Variants in ALG9 observed in about 807,000 individuals in gnomAD.
ALG9 encodes the protein alpha-1,2-mannosyltransferase ALG9.
Under a neutral mutation model 81.8 loss-of-function variants are expected in ALG9, and 55 were observed. That is an observed-to-expected ratio of 0.67 (90% CI 0.54 to 0.84). The LOEUF (loss-of-function observed/expected upper bound fraction) is 0.84, where lower values mean the gene tolerates loss of function less well. Ranked by LOEUF, ALG9 falls within the 40% of genes least tolerant of loss-of-function variation. ALG9 has a pLI of 0.00. For missense variants in ALG9, 629 were observed against 745.0 expected, an observed-to-expected ratio of 0.84 and a Z score of 1.81; for synonymous variants, 278 against 274.3, an observed-to-expected ratio of 1.01 and a Z score of -0.13.
At chr11:111,854,570 C>T (rs2137065988) in intron 6 of ALG9, among the ~76,000 whole-genome samples, 1 of 152,142 alleles carries the variant, frequency 6.6e-6, no homozygotes. Flanking sequence ...CACGCCTGGC[C>T]CCATCTTTGA....
rs369899816 is a variant in ALG9, at chr11:111,853,693, T to C, written c.745A>G (p.Lys249Glu). The C allele has an allele frequency of 3.1e-6, 5 of 1,614,038 alleles. No homozygotes were observed. Among genetic ancestry groups the C allele is most frequent in the Non-Finnish European group, 4.2e-6 (5 of 1,180,022 alleles). The change falls in exon 7 of 15, where the codon AAG becomes GAG. Residue 249 changes from lysine (K) to glutamate (E), a missense_variant. Physicochemically the swap from Lys to Glu is moderately conservative, Grantham distance 56. Coordinates refer to ENST00000616540, the MANE Select transcript of ALG9 (RefSeq NM_024740.2). ...ATCAGCGACCAATGAAAGAAACTCT[T>C]CCACCTGTGTTTCATGACCAGCAAA... ...FDLLVMKHRW[K>E]SFFHWSLMAL...
rs782478619 is a variant in ALG9 at position 111,809,684 on chromosome 11, T to A, written c.1692A>T (p.Glu564Asp). 6.2e-7 allele frequency: 1 copy of A among 1,614,120 alleles called. No individual in the cohort carries two copies. Among genetic ancestry groups the A allele is most frequent in the Non-Finnish European group, 8.5e-7 (1 of 1,179,994 alleles). The change falls in exon 14 of 15, where the codon GAA (glutamate) becomes GAT (aspartate). Residue 564 changes from glutamate (E) to aspartate (D), a missense_variant. By Grantham distance (45) the Glu-to-Asp change is conservative. This residue lies in a region of ALG9 where 264 missense variants were observed against 302.2 expected (regional missense o/e 0.87). Transcript: ENST00000616540. ...REPKYSSNKEEWISLAYRPFL... is the reference protein window; with the variant it reads ...REPKYSSNKEDWISLAYRPFL... ...ATGGTCTATAGGCCAAGCTGATCCATTCTTCTTTATTGGATGAATATTTTG... is the reference window on the plus strand; with the variant it reads ...ATGGTCTATAGGCCAAGCTGATCCAATCTTCTTTATTGGATGAATATTTTG...
At chr11:111,821,042 G>A (rs1299669715) in intron 13 of ALG9, among the ~76,000 whole-genome samples, 1 of 152,138 alleles carries the variant, frequency 6.6e-6, no homozygotes, top group African/African-American at 2.4e-5. Context: ...ACTGCAGTGA[G>A]CTATGATTGC....
the ALG9 span, chr11:111,768,526 G>A: frequency 6.6e-6 from 1 of 152,150 alleles, no homozygotes; most frequent in African/African-American, 2.4e-5. Flanking sequence ...TTGGGAGGCT[G>A]AGGTGGGAGG....
At chr11:111,854,322 G>A (rs574523545) in intron 6 of ALG9, among the ~76,000 whole-genome samples, 9 of 146,000 alleles carry the variant, frequency 6.2e-5, no homozygotes, top group African/African-American at 1.8e-4. Flanking sequence ...CAGGCTGGGT[G>A]CAGTGGTGTG....
In ALG9 at chr11:111,868,682, A is replaced by G. The variant is rs1963289067; in HGVS notation, c.325T>C (p.Tyr109His). The G allele has an allele frequency of 5.6e-6, 9 of 1,613,876 alleles. No individual in the cohort carries two copies. Among genetic ancestry groups the G allele is most frequent in the Non-Finnish European group, 7.6e-6 (9 of 1,179,788 alleles). Residue 109 changes from tyrosine (Y) to histidine (H), a missense_variant, in exon 3 of 15, where the codon TAT becomes CAT. By Grantham distance (83) the Tyr-to-His change is moderately conservative (BLOSUM62 2). Coordinates refer to ENST00000616540, the MANE Select transcript of ALG9 (RefSeq NM_024740.2). ...GFQTWEYSPA[Y>H]AIRSYAYLLL... ...AGGTAAGCATAGGAGCGAATGGCAT[A>G]TGCTGGGGAATATTCCCAAGTCTGA...
intron 14 of ALG9, among the ~76,000 whole-genome samples, chr11:111,807,044 C>CCCT (rs1950030118): frequency 6.6e-6 from 1 of 152,096 alleles, no homozygotes; most frequent in African/African-American, 2.4e-5. Flanking sequence ...ATCTGAAGAA[C>CCCT]CCTCATCTCT....
At chr11:111,821,189 T>C (rs1952303549) in intron 13 of ALG9, among the ~76,000 whole-genome samples, 1 of 152,184 alleles carries the variant, frequency 6.6e-6, no homozygotes. Flanking sequence ...TCCTATAAGG[T>C]CCTACTTTCA....
chr11:111,865,040 G>C, intron 4 of ALG9, 141 bp downstream of exon 4: 2 of 554,540 alleles, frequency 3.6e-6, no homozygotes, highest in South Asian at 5.1e-5. Context: ...GCCTCCCAAA[G>C]TGCTGGGATT....
intron 6 of ALG9, among the ~76,000 whole-genome samples, chr11:111,856,714 A>AAATAATTTC (rs1958751387): frequency 6.6e-6 from 1 of 151,758 alleles, no homozygotes. Flanking sequence ...TACCTGTGGT[A>AAATAATTTC]CAGGTAAGAA....
At chr11:111,838,667 A>T (rs910289548) in intron 10 of ALG9, among the ~76,000 whole-genome samples, 12 of 152,020 alleles carry the variant, frequency 7.9e-5, no homozygotes, top group Admixed American at 1.3e-4. Context: ...CTAATAAGTT[A>T]TTTTTTTTAA....
intron 2 of ALG9, among the ~76,000 whole-genome samples, chr11:111,869,098 G>T (rs1963446616): frequency 6.6e-6 from 1 of 152,100 alleles, no homozygotes; most frequent in South Asian, 2.1e-4. Context: ...CTCCAGCCTG[G>T]GCGATCTGCA....
chr11:111,778,832 G>A (rs1369928875), downstream of ALG9, among the ~76,000 whole-genome samples: 1 of 109,158 alleles, frequency 9.2e-6, no homozygotes, highest in East Asian at 2.5e-4. Flanking sequence ...TTTTTTTTTT[G>A]AGACAGAGTT....
At chr11:111,830,921 G>A (rs901552341) in intron 13 of ALG9, among the ~76,000 whole-genome samples, 7 of 152,030 alleles carry the variant, frequency 4.6e-5, no homozygotes, top group Non-Finnish European at 8.8e-5. Flanking sequence ...CTGTAATCCC[G>A]CCACTTTGGG....
chr11:111,863,314 T>A (rs1191712876), intron 4 of ALG9, among the ~76,000 whole-genome samples: 1 of 152,066 alleles, frequency 6.6e-6, no homozygotes, highest in African/African-American at 2.4e-5. Flanking sequence ...GCCGAAATCA[T>A]GCCACTGCAC....
intron 14 of ALG9, among the ~76,000 whole-genome samples, chr11:111,802,303 G>A (rs755250285): frequency 1.3e-5 from 2 of 152,198 alleles, no homozygotes; most frequent in Non-Finnish European, 2.9e-5. Context: ...ATAAATGATT[G>A]AAATGTCCAT....
At position 111,827,605 on chromosome 11, in the gene ALG9, G is replaced by A. The variant is rs191513760; in HGVS notation, c.1602+8560C>T. Among the ~76,000 whole-genome samples the A allele has an allele frequency of 4.1e-3, 631 of 152,272 alleles. 3 individuals carry two copies. The highest frequency in any genetic ancestry group is 0.013 in the African/African-American group (526 of 41,550). ...AAGATGCCCAGGCACAGTGGCTCAC[G>A]CCTATAATCCCAGCACTTTGGGAGG... On this transcript the variant is annotated intron_variant, in intron 13 of 14. Coordinates refer to ENST00000616540, the MANE Select transcript of ALG9 (RefSeq NM_024740.2).
chr11:111,811,600 A>G (rs1555091477), intron 13 of ALG9, among the ~76,000 whole-genome samples: 1 of 151,924 alleles, frequency 6.6e-6, no homozygotes, highest in Non-Finnish European at 1.5e-5. Context: ...CAACAGATAG[A>G]TTCATGTGGT....
At chr11:111,848,992 T>C (rs1566082245) in intron 8 of ALG9, among the ~76,000 whole-genome samples, 1 of 152,150 alleles carries the variant, frequency 6.6e-6, no homozygotes, top group Non-Finnish European at 1.5e-5. Flanking sequence ...AGACAGTAAG[T>C]ACTATGATGA....
Sources: allele counts gnomAD v4.1 joint callset (sites outside exome capture counted in the v4.1 genomes callset), GRCh38; gene constraint gnomAD v4.1.1; regional missense constraint gnomAD v4.1.1; transcripts MANE v1.5; gene names NCBI Gene and HGNC (gene_info 2026-07-23, HGNC 2026-07-21).